COMMD7: variants seen among roughly 807,000 people sequenced by gnomAD.
COMMD7 encodes COMM domain containing 7, also known as COMM domain-containing protein 7.
Under a neutral mutation model 34.8 loss-of-function variants are expected in COMMD7, and 28 were observed. The ratio of observed to expected loss-of-function variants is 0.80; its 90% CI spans 0.60 to 1.10. The LOEUF (loss-of-function observed/expected upper bound fraction) is 1.10, where lower values mean the gene tolerates loss of function less well. COMMD7 is among the 50% of genes least tolerant of loss of function. The probability of loss-of-function intolerance (pLI) is 0.00; values close to 1 mark genes in which losing one functional copy is unlikely to be tolerated. For missense variants in COMMD7, 211 were observed against 241.6 expected (o/e 0.87, Z 0.84); for synonymous variants, 80 against 86.4 (o/e 0.93, Z 0.41).
chr20:32,708,628 C>A (rs569457537), intron 3 of COMMD7, among the ~76,000 whole-genome samples: 1 of 151,580 alleles, frequency 6.6e-6, no homozygotes, highest in African/African-American at 2.4e-5. Context: ...ATTTGACAAT[C>A]CCCAAACACT....
At chr20:32,717,314 CCAGTT>C (rs1458279688) in intron 3 of COMMD7, among the ~76,000 whole-genome samples, 2 of 126,038 alleles carry the variant, frequency 1.6e-5, no homozygotes, top group East Asian at 4.3e-4. Context: ...ACCACCATGC[CCAGTT>C]AATTTTTTTT....
intron 3 of COMMD7, among the ~76,000 whole-genome samples, chr20:32,724,338 G>C (rs1309460807): frequency 2.6e-4 from 5 of 19,556 alleles, no homozygotes; most frequent in African/African-American, 6.7e-4. Flanking sequence ...CCCCCCGCCC[G>C]GCCAGCCGCC....
At chr20:32,703,878 A>G (rs1983896777) in intron 8 of COMMD7, 145 bp downstream of exon 8, 1 of 1,552,286 alleles carries the variant, frequency 6.4e-7, no homozygotes, top group Non-Finnish European at 8.7e-7. Context: ...GCCATCTTTC[A>G]GGAGAGGAAA....
intron 3 of COMMD7, among the ~76,000 whole-genome samples, chr20:32,722,886 G>C (rs1278853207): frequency 6.6e-6 from 1 of 151,492 alleles, no homozygotes; most frequent in Admixed American, 6.6e-5. Flanking sequence ...GCCGGGCGTG[G>C]TGGTGGGCAC....
At position 32,703,644 on chromosome 20, in the gene COMMD7, AG is replaced by A. The variant is rs1983877749; in HGVS notation, c.527-187del. 2.1e-6 allele frequency: 3 copies of A among 1,436,762 alleles called. No homozygotes were observed. The Admixed American group carries it at 8.6e-5, about 41-fold the overall frequency. 89.0% of individuals were successfully genotyped at this position (1,436,762 alleles called of 1,614,324 possible). The stretch of plus-strand genomic sequence containing the variant: ...GAATGCAGAAGGTTCTCTGCTCCAA[AG>A]GAAAAAAAAGGGGAGTGAGTGTTCA... On this transcript the variant is annotated intron_variant, in intron 8 of 8. Transcript: ENST00000278980.
chr20:32,721,609 G>A (rs541182503), intron 3 of COMMD7, among the ~76,000 whole-genome samples: 5 of 152,022 alleles, frequency 3.3e-5, no homozygotes, highest in African/African-American at 9.6e-5. Flanking sequence ...GCTGAGCACA[G>A]TGGCTCATGC....
At chr20:32,737,484 G>A (rs965734881) in intron 1 of COMMD7, among the ~76,000 whole-genome samples, 4 of 151,892 alleles carry the variant, frequency 2.6e-5, no homozygotes, top group Non-Finnish European at 5.9e-5. Flanking sequence ...TCCAGCCTGG[G>A]TGATAGAATG....
intron 3 of COMMD7, among the ~76,000 whole-genome samples, chr20:32,720,640 C>G (rs1985096235): frequency 6.6e-6 from 1 of 152,124 alleles, no homozygotes; most frequent in Admixed American, 6.6e-5. Context: ...AAAACCTCGT[C>G]TCTACAAAAA....
In COMMD7 at chr20:32,703,177, C is replaced by A. The variant is rs73906017; in HGVS notation, c.*205G>T. 6.7e-5 allele frequency: 29 copies of A among 432,376 alleles called. No homozygotes were observed. Among genetic ancestry groups the A allele is most frequent in the African/African-American group, 5.9e-4 (29 of 49,446 alleles). 26.8% of individuals were successfully genotyped at this position (432,376 alleles called of 1,614,324 possible). A position where few individuals can be genotyped will look rare whatever the true frequency, so the allele number is the denominator to read the frequency against. ...AGACAGGTGGTGGTGGTTGCCCTAA[C>A]AGAGAGTTTACAGGGTAATTGTGTT... On this transcript the variant is annotated 3_prime_UTR_variant, in exon 9 of 9. Coordinates refer to ENST00000278980, the MANE Select transcript of COMMD7 (RefSeq NM_053041.3).
chr20:32,734,966 G>A (rs188300795), intron 1 of COMMD7, among the ~76,000 whole-genome samples: 9 of 151,310 alleles, frequency 5.9e-5, no homozygotes, highest in Non-Finnish European at 8.8e-5. Flanking sequence ...GCCCAGGCAC[G>A]GTGGCTCATG....
At position 32,727,924 on chromosome 20, in the gene COMMD7, G is replaced by C; in HGVS notation, c.210C>G (p.Ser70Arg). Residue 70 changes from serine to arginine, a missense_variant, in exon 3 of 9, where the codon AGC becomes AGG. Ser to Arg is a moderately radical substitution (Grantham distance 110). Transcript: ENST00000278980. ...GAACCAGAAGGAGGCTTTTCACGAT[G>C]CTTCTGAGGGAGCCAAGACTGATCT... ...TNQISLGSLR[S>R]IVKSLLLVPN... The C allele has an allele frequency of 6.2e-7, 1 of 1,614,066 alleles. No homozygotes were observed. The highest frequency in any genetic ancestry group is 8.5e-7 in the Non-Finnish European group (1 of 1,179,944).
chr20:32,719,117 G>A (rs1051486611), intron 3 of COMMD7, among the ~76,000 whole-genome samples: 2 of 152,194 alleles, frequency 1.3e-5, no homozygotes, highest in African/African-American at 4.8e-5. Flanking sequence ...ATTAGGAAAG[G>A]CCTTGAATGC....
At chr20:32,712,287 A>G (rs1984505101) in intron 3 of COMMD7, among the ~76,000 whole-genome samples, 1 of 148,636 alleles carries the variant, frequency 6.7e-6, no homozygotes, top group African/African-American at 2.5e-5. Context: ...AAAAAAAAAA[A>G]AAAAAAAGAG....
intron 4 of COMMD7, 24 bp from the exon 5 acceptor site, chr20:32,706,644 T>G: frequency 1.2e-6 from 2 of 1,612,008 alleles, no homozygotes; most frequent in South Asian, 2.2e-5. Context: ...GAAGGAGATA[T>G]TAACATAATA....
intron 1 of COMMD7, among the ~76,000 whole-genome samples, chr20:32,738,464 G>A (rs970563912): frequency 2.0e-5 from 3 of 152,156 alleles, no homozygotes; most frequent in Admixed American, 6.6e-5. Flanking sequence ...GTGCACGCCT[G>A]TAGTCCCAGC....
intron 3 of COMMD7, among the ~76,000 whole-genome samples, chr20:32,714,517 G>C (rs1346404985): frequency 6.6e-6 from 1 of 151,348 alleles, no homozygotes; most frequent in Non-Finnish European, 1.5e-5. Flanking sequence ...GTGAAACCCC[G>C]TCTCTACTAA....
At chr20:32,734,655 C>T (rs1601004946) in intron 1 of COMMD7, among the ~76,000 whole-genome samples, 1 of 151,598 alleles carries the variant, frequency 6.6e-6, no homozygotes, top group Non-Finnish European at 1.5e-5. Flanking sequence ...AGGCCAGGCA[C>T]AGCGGCTCAC....
intron 3 of COMMD7, 111 bp from the exon 4 acceptor site, chr20:32,706,871 G>T: frequency 1.3e-6 from 1 of 790,682 alleles, no homozygotes; most frequent in Non-Finnish European, 2.2e-6. Flanking sequence ...AACACCCAAA[G>T]ACTGGCCAGC....
intron 3 of COMMD7, among the ~76,000 whole-genome samples, chr20:32,710,932 A>C (rs1419681559): frequency 6.6e-6 from 1 of 151,716 alleles, no homozygotes; most frequent in Non-Finnish European, 1.5e-5. Context: ...AAAAATAAAA[A>C]ATTACTTGGG....
Sources: allele counts gnomAD v4.1 joint callset (sites outside exome capture counted in the v4.1 genomes callset), GRCh38; gene constraint gnomAD v4.1.1; transcripts MANE v1.5; gene names NCBI Gene and HGNC (gene_info 2026-07-23, HGNC 2026-07-21).